Variants in MTRR observed in about 807,000 individuals in gnomAD.
The protein encoded by MTRR is 5-methyltetrahydrofolate-homocysteine methyltransferase reductase, also known as methionine synthase reductase.
MTRR carries 63 observed loss-of-function variants against 79.2 expected under a neutral mutation model. The ratio of observed to expected loss-of-function variants is 0.80; its 90% confidence interval spans 0.65 to 0.98. The LOEUF is 0.98. Among genes scored for constraint, MTRR ranks in the 50% least tolerant of loss-of-function variants. The probability of loss-of-function intolerance (pLI) is 0.00; values close to 1 mark genes in which losing one functional copy is unlikely to be tolerated. For missense variants in MTRR, 895 were observed against 839.6 expected (o/e 1.07, Z -0.82); for synonymous variants, 355 against 313.3 (o/e 1.13, Z -1.41).
chr5:7,884,301 G>A (rs534450078), intron 6 of MTRR, among the ~76,000 whole-genome samples: 1 of 152,172 alleles, frequency 6.6e-6, no homozygotes, highest in African/African-American at 2.4e-5. Flanking sequence ...TTGTCCCTTA[G>A]TATCTTCGAA....
At chr5:7,867,828 C>A (rs763134231), upstream of MTRR, 12 of 1,614,062 alleles carry the variant, frequency 7.4e-6, no homozygotes, top group South Asian at 3.3e-5. Context: ...CTGTCGCAGT[C>A]AGATACTTGA....
At chr5:7,872,577 TTTAG>T (rs1748175772) in intron 2 of MTRR, among the ~76,000 whole-genome samples, 1 of 152,360 alleles carries the variant, frequency 6.6e-6, no homozygotes, top group Admixed American at 6.5e-5. Context: ...AGGTCCCTGA[TTTAG>T]AAGGGGTAAC....
chr5:7,892,948 A>C (rs1737874639), intron 11 of MTRR, 35 bp downstream of exon 11: 1 of 1,589,742 alleles, frequency 6.3e-7, no homozygotes, highest in Non-Finnish European at 8.6e-7. Context: ...AGCATTGTTA[A>C]CTCATACTCT....
chr5:7,890,569 AT>A (rs1737379021), intron 9 of MTRR, among the ~76,000 whole-genome samples: 1 of 152,220 alleles, frequency 6.6e-6, no homozygotes, highest in Non-Finnish European at 1.5e-5. Flanking sequence ...ATTGGGACTT[AT>A]AAAAAATTAT....
upstream of MTRR, chr5:7,867,400 C>A (rs1747055556): frequency 6.2e-7 from 1 of 1,614,186 alleles, no homozygotes; most frequent in East Asian, 2.2e-5. Context: ...CTGAACTGTG[C>A]AGTGTAATCA....
At position 7,875,373 on chromosome 5, in the gene MTRR, A is replaced by G. The variant is rs560392566; in HGVS notation, c.399A>G (p.Val133=). The G allele has an allele frequency of 1.4e-5, 23 of 1,604,152 alleles. No individual in the cohort carries two copies. In the African/African-American group the frequency reaches 1.6e-4, roughly 11 times the overall value. ...FYDTGHADDC[V]GLELVVEPWI... ...ACACTGGACATGCAGATGACTGTGT[A>G]GGGTAAGGGCAGTGTTCTCTGTTTA... Residue 133 remains valine, a splice_region_variant and synonymous_variant, in exon 4 of 15, where the codon GTA becomes GTG. Transcript: ENST00000440940.
intron 2 of MTRR, chr5:7,862,841 G>A: frequency 1.2e-6 from 2 of 1,613,206 alleles, no homozygotes; most frequent in Non-Finnish European, 1.7e-6. Context: ...TAACAATAGG[G>A]TGTCAACACT....
At chr5:7,879,462 C>CAAAAAA (rs35558077) in intron 5 of MTRR, among the ~76,000 whole-genome samples, 2 of 88,562 alleles carry the variant, frequency 2.3e-5, no homozygotes, top group African/African-American at 4.4e-5. Context: ...GACTCCGTCT[C>CAAAAAA]AAAAAAAAAA....
At chr5:7,861,254 C>T (rs773263643) in intron 1 of MTRR, 4 of 1,520,150 alleles carry the variant, frequency 2.6e-6, no homozygotes, top group African/African-American at 1.4e-5. Context: ...CATCAATACA[C>T]AGTGCTATCC....
At position 7,891,360 on chromosome 5, in the gene MTRR, ATTT is replaced by A. The variant is rs779772153; in HGVS notation, c.1328-7_1328-5del. The A allele has an allele frequency of 2.3e-5, 29 of 1,243,646 alleles. No homozygotes were observed. The African/African-American group carries it at 5.3e-4, about 23-fold the overall frequency. The allele number at this position is 1,243,646 out of a possible 1,614,324, so 77.0% of individuals were successfully genotyped here. A position where few individuals can be genotyped will look rare whatever the true frequency, so the allele number is the denominator to read the frequency against. On this transcript the variant is annotated splice_polypyrimidine_tract_variant and intron_variant, in intron 9 of 14. Transcript: ENST00000440940. ...AGTGAATTAATAATTGCTTGTTTTT[ATTT>A]TTTTCTAGAACATCTTCCTAAACTT...
intron 5 of MTRR, among the ~76,000 whole-genome samples, chr5:7,881,253 C>T (rs1735542241): frequency 6.6e-6 from 1 of 152,086 alleles, no homozygotes; most frequent in African/African-American, 2.4e-5. Context: ...GGGCATAGTG[C>T]TCTGTCGTAT....
chr5:7,872,290 T>G (rs902260511), intron 2 of MTRR: 45 of 443,510 alleles, frequency 1.0e-4, no homozygotes, highest in South Asian at 6.5e-4. Context: ...GCAGTAAAGC[T>G]TGTGGAGTCT....
chr5:7,879,151 G>A lies in MTRR; in HGVS notation c.780+829G>A, dbSNP rs1449370240. Among the ~76,000 whole-genome samples the A allele has an allele frequency of 3.2e-4, 49 of 152,080 alleles. 1 individual carries two copies. Among genetic ancestry groups the A allele is most frequent in the Non-Finnish European group, 2.9e-5 (2 of 68,004 alleles). The stretch of plus-strand genomic sequence containing the variant: ...TGTGTATAAACAACTATGGGCTATT[G>A]TTTTTGCACTTGTACTTCATTATTT... On this transcript the variant is annotated intron_variant, in intron 5 of 14. Transcript: ENST00000440940.
intron 11 of MTRR, chr5:7,893,511 T>C (rs1371515439): frequency 1.3e-5 from 2 of 155,418 alleles, no homozygotes; most frequent in East Asian, 3.8e-4. Context: ...CAACAGATTG[T>C]GGACACTTTA....
At chr5:7,855,323 TA>T (rs927555460) in intron 1 of MTRR, among the ~76,000 whole-genome samples, 29 of 143,694 alleles carry the variant, frequency 2.0e-4, no homozygotes, top group African/African-American at 7.0e-4. Context: ...AATGATTAGA[TA>T]AAAAAAGAAA....
chr5:7,863,046 A>G (rs1418295586), intron 2 of MTRR: 7 of 1,505,026 alleles, frequency 4.7e-6, no homozygotes, highest in Non-Finnish European at 5.5e-6. Context: ...AGATATAACA[A>G]CAGAGAATAA....
rs1023444372 is a variant in MTRR, at chr5:7,893,142, G to A, written c.1557+229G>A. On this transcript the variant is annotated intron_variant, in intron 11 of 14. Transcript: ENST00000440940. ...TAAAGCATGAATTTTATATAGTACG[G>A]TCTTTGCTTGTCCTATTCATGGAAA... The A allele has an allele frequency of 8.9e-6, 5 of 560,282 alleles. No homozygotes were observed. The African/African-American group carries it at 9.5e-5, about 11-fold the overall frequency. 34.7% of individuals were successfully genotyped at this position (560,282 alleles called of 1,614,324 possible).
chr5:7,867,427 A>G (rs1246840693), upstream of MTRR: 3 of 1,614,210 alleles, frequency 1.9e-6, no homozygotes, highest in Non-Finnish European at 2.5e-6. Flanking sequence ...CCCCAAGAAT[A>G]CAAAGATTGC....
intron 1 of MTRR, among the ~76,000 whole-genome samples, chr5:7,853,140 T>TCC (rs1480754612): frequency 6.6e-6 from 1 of 152,056 alleles, no homozygotes; most frequent in East Asian, 1.9e-4. Context: ...ATCCCCATAA[T>TCC]CCCCACATGT....
Sources: allele counts gnomAD v4.1 joint callset (sites outside exome capture counted in the v4.1 genomes callset), GRCh38; gene constraint gnomAD v4.1.1; transcripts MANE v1.5; gene names NCBI Gene and HGNC (gene_info 2026-07-23, HGNC 2026-07-21).